The following ARNT2 variants were observed in gnomAD, a reference collection of about 807,000 sequenced individuals.
ARNT2 encodes the protein ARNT protein 2.
ARNT2 carries 36 observed loss-of-function variants against 91.7 expected under a neutral mutation model. The ratio of observed to expected loss-of-function variants is 0.39; its 90% CI spans 0.30 to 0.52. The LOEUF is 0.52. ARNT2 is among the 20% of genes least tolerant of loss of function. ARNT2 has a pLI of 0.72. For synonymous variants in ARNT2, 365 were observed against 347.1 expected, an observed-to-expected ratio of 1.05 and a Z score of -0.57; for missense variants, 775 against 939.3, an observed-to-expected ratio of 0.83 and a Z score of 2.29.
intron 10 of ARNT2, 96 bp from the exon 11 acceptor site, chr15:80,554,955 CTAAAGGAGATGAGT>C: frequency 8.1e-7 from 1 of 1,227,874 alleles, no homozygotes; most frequent in African/African-American, 1.5e-5. Flanking sequence ...GTGGGACAGG[CTAAAGGAGATGAGT>C]TAAAGGAGAT....
intron 8 of ARNT2, among the ~76,000 whole-genome samples, chr15:80,549,223 ACT>A (rs1464990636): frequency 6.6e-6 from 1 of 152,152 alleles, no homozygotes; most frequent in Admixed American, 6.5e-5. Flanking sequence ...CAAAAGAATA[ACT>A]CTGAATGGAT....
chr15:80,433,228 ATTTTATTTAT>A (rs1896034911), intron 1 of ARNT2, among the ~76,000 whole-genome samples: 1 of 118,480 alleles, frequency 8.4e-6, no homozygotes. Flanking sequence ...AAGGCACTAT[ATTTTATTTAT>A]TTTATTTTAT....
chr15:80,492,352 CTACAGCTT>C lies in ARNT2; in HGVS notation c.623-15801_623-15794del, dbSNP rs1595985072. On this transcript the variant is annotated intron_variant, in intron 5 of 18. Transcript: ENST00000303329. ...CATGCCTGGCTCAGTGTCTTGATTACTACAGCTTTATCATCTTCAAATCAGATAATGTT... is the reference window on the plus strand; with the variant it reads ...CATGCCTGGCTCAGTGTCTTGATTACTATCATCTTCAAATCAGATAATGTT... Among the ~76,000 whole-genome samples, 14 of 152,288 alleles carry C rather than the reference CTACAGCTT, an allele frequency of 9.2e-5. 2 individuals are homozygous for C. Among genetic ancestry groups the C allele is most frequent in the Admixed American group, 2.0e-4 (3 of 15,296 alleles).
At chr15:80,460,860 G>A (rs1896542142) in intron 3 of ARNT2, among the ~76,000 whole-genome samples, 1 of 152,214 alleles carries the variant, frequency 6.6e-6, no homozygotes, top group Non-Finnish European at 1.5e-5. Context: ...GAAGACTCAG[G>A]AGTGACGCTG....
chr15:80,513,620 C>A (rs1170844946), intron 6 of ARNT2, among the ~76,000 whole-genome samples: 4 of 151,394 alleles, frequency 2.6e-5, no homozygotes, highest in Non-Finnish European at 5.9e-5. Flanking sequence ...ATGGCCAGGT[C>A]TCTCCTAGAG....
At chr15:80,509,708 A>G (rs2141425223) in intron 6 of ARNT2, among the ~76,000 whole-genome samples, 1 of 152,248 alleles carries the variant, frequency 6.6e-6, no homozygotes, top group African/African-American at 2.4e-5. Flanking sequence ...GCAGAGACCT[A>G]AAGAAAGTGA....
chr15:80,531,222 C>T (rs1897734489), intron 8 of ARNT2, among the ~76,000 whole-genome samples: 1 of 152,238 alleles, frequency 6.6e-6, no homozygotes, highest in African/African-American at 2.4e-5. Flanking sequence ...AAACTGTCCA[C>T]TGTTCCCTGA....
intron 5 of ARNT2, among the ~76,000 whole-genome samples, chr15:80,480,633 C>T (rs925266314): frequency 4.6e-5 from 7 of 152,144 alleles, no homozygotes; most frequent in Non-Finnish European, 8.8e-5. Flanking sequence ...ACTCTTCCTG[C>T]ATTCAGAGAA....
intron 12 of ARNT2, among the ~76,000 whole-genome samples, chr15:80,565,915 C>T (rs1487772208): frequency 6.6e-6 from 1 of 152,086 alleles, no homozygotes; most frequent in African/African-American, 2.4e-5. Context: ...TGATGACCTG[C>T]ATTCCAACCC....
At chr15:80,470,971 G>A (rs936570772) in intron 4 of ARNT2, among the ~76,000 whole-genome samples, 7 of 152,222 alleles carry the variant, frequency 4.6e-5, no homozygotes, top group African/African-American at 4.8e-5. Flanking sequence ...GCAGTGTGGA[G>A]GTTCCTCAAA....
rs1454578870 is a variant in ARNT2 at position 80,492,340 on chromosome 15, G to C, written c.623-15816G>C. ...GGCATGAGCCACCATGCCTGGCTCA[G>C]TGTCTTGATTACTACAGCTTTATCA... On this transcript the variant is annotated intron_variant, in intron 5 of 18. Coordinates refer to ENST00000303329, the MANE Select transcript of ARNT2 (RefSeq NM_014862.4). Among the ~76,000 whole-genome samples, 3 of 152,158 alleles carry C rather than the reference G, an allele frequency of 2.0e-5. No homozygotes were observed. In the East Asian group the frequency reaches 5.8e-4, roughly 29 times the overall value.
At chr15:80,407,910 T>C (rs1414038095) in intron 1 of ARNT2, among the ~76,000 whole-genome samples, 1 of 152,238 alleles carries the variant, frequency 6.6e-6, no homozygotes, top group African/African-American at 2.4e-5. Context: ...CATGAGGGAA[T>C]CAGCTACAAA....
intron 1 of ARNT2, among the ~76,000 whole-genome samples, chr15:80,427,773 T>C (rs1023870773): frequency 5.3e-5 from 8 of 152,228 alleles, no homozygotes; most frequent in Admixed American, 5.2e-4. Context: ...TACAACTGTT[T>C]AGTTTACAAA....
At chr15:80,440,560 T>C (rs986579535) in intron 1 of ARNT2, among the ~76,000 whole-genome samples, 3 of 152,220 alleles carry the variant, frequency 2.0e-5, no homozygotes, top group African/African-American at 7.2e-5. Context: ...AGTGCCCCTG[T>C]TCCAGAGGAG....
chr15:80,562,184 C>T (rs1218354896), intron 11 of ARNT2, among the ~76,000 whole-genome samples: 1 of 151,988 alleles, frequency 6.6e-6, no homozygotes, highest in Non-Finnish European at 1.5e-5. Flanking sequence ...AAGCGATTCT[C>T]ATGCCTCAGC....
intron 1 of ARNT2, among the ~76,000 whole-genome samples, chr15:80,450,298 A>G (rs1433620269): frequency 6.6e-6 from 1 of 152,248 alleles, no homozygotes; most frequent in Non-Finnish European, 1.5e-5. Flanking sequence ...CTATAGCCTG[A>G]AGTGATGCTT....
intron 17 of ARNT2, among the ~76,000 whole-genome samples, chr15:80,581,974 G>A (rs2086381772): frequency 1.3e-5 from 2 of 152,300 alleles, no homozygotes; most frequent in Admixed American, 1.3e-4. Flanking sequence ...TCCACTCCAC[G>A]TCAGGACAAG....
At chr15:80,533,061 C>T (rs528526368) in intron 8 of ARNT2, among the ~76,000 whole-genome samples, 5 of 152,256 alleles carry the variant, frequency 3.3e-5, no homozygotes, top group East Asian at 3.9e-4. Context: ...CAGGAGGGAC[C>T]GGCTCCATGG....
At position 80,450,967 on chromosome 15, in the gene ARNT2, C is replaced by T. The variant is rs1290348297; in HGVS notation, c.119C>T (p.Pro40Leu). The T allele has an allele frequency of 2.5e-6, 4 of 1,614,070 alleles. No individual in the cohort carries two copies. Among genetic ancestry groups the T allele is most frequent in the Non-Finnish European group, 3.4e-6 (4 of 1,180,000 alleles). Residue 40 changes from proline (P) to leucine (L), a missense_variant, in exon 2 of 19, where the codon CCT (proline) becomes CTT (leucine). Transcript: ENST00000303329. ...TGQVRMAGAM[P>L]ARGGKRRSGM... Reference sequence around the variant, plus strand: ...CAGGTGAGGATGGCGGGGGCCATGCCTGCCCGTGGAGGAAAGCGGCGTTCC... The same window carrying T: ...CAGGTGAGGATGGCGGGGGCCATGCTTGCCCGTGGAGGAAAGCGGCGTTCC...
Sources: gnomAD v4.1 joint callset for allele counts (sites outside exome capture counted in the v4.1 genomes callset) on GRCh38, gnomAD v4.1.1 for gene constraint, MANE v1.5 for transcripts, NCBI Gene and HGNC (gene_info 2026-07-23, HGNC 2026-07-21) for gene names.